OSTN: variants seen among roughly 807,000 people sequenced by gnomAD.
The protein encoded by OSTN is osteocrin.
OSTN carries 9 observed loss-of-function variants against 12.0 expected under a neutral mutation model. The observed-to-expected ratio is 0.75, with a 90% CI of 0.45 to 1.30. The LOEUF (loss-of-function observed/expected upper bound fraction) is 1.30, where lower values mean the gene tolerates loss of function less well. Ranked by LOEUF, OSTN falls within the 50% of genes most tolerant of loss-of-function variation. The probability of loss-of-function intolerance (pLI) is 0.00; values close to 1 mark genes in which losing one functional copy is unlikely to be tolerated. For missense variants in OSTN, 148 were observed against 152.3 expected (o/e 0.97, Z 0.15); for synonymous variants, 59 against 56.9 (o/e 1.04, Z -0.16).
At chr3:191,259,200 G>T (rs1576941709) in intron 4 of OSTN, among the ~76,000 whole-genome samples, 2 of 147,346 alleles carry the variant, frequency 1.4e-5, no homozygotes, top group East Asian at 2.0e-4. Flanking sequence ...AAAACAATCT[G>T]TTTTTTTTTT....
chr3:191,240,919 CACAATAGTCT>C (rs1198167523), intron 3 of OSTN, among the ~76,000 whole-genome samples: 3 of 152,206 alleles, frequency 2.0e-5, no homozygotes, highest in African/African-American at 7.2e-5. Flanking sequence ...GTGTCATTTC[CACAATAGTCT>C]ATTGATTAGA....
chr3:191,212,586 A>C lies in OSTN; in HGVS notation c.54A>C (p.Thr18=), dbSNP rs566962060. ...SAHFILAVTL[T]LWSSGKVLSV... is the part of the protein sequence containing the mutation. ...ATTTCATCCTGGCTGTGACACTGAC[A>C]CTGTGGAGCTCAGGAAAAGTCCTCT... The change falls in exon 2 of 5, where the codon ACA becomes ACC. Residue 18 remains threonine, a synonymous_variant. Coordinates refer to ENST00000682035, the MANE Select transcript of OSTN (RefSeq NM_198184.2). The C allele has an allele frequency of 6.3e-6, 10 of 1,594,984 alleles. No individual in the cohort carries two copies. In the East Asian group the frequency reaches 2.0e-4, roughly 32 times the overall value.
At chr3:191,235,739 T>C (rs894742582) in intron 3 of OSTN, among the ~76,000 whole-genome samples, 3 of 152,184 alleles carry the variant, frequency 2.0e-5, no homozygotes, top group African/African-American at 7.2e-5. Context: ...CAGAAAGCCC[T>C]TGGGGCAAGG....
chr3:191,244,994 C>A (rs1395574325), intron 3 of OSTN, among the ~76,000 whole-genome samples: 6 of 152,072 alleles, frequency 3.9e-5, no homozygotes, highest in Non-Finnish European at 7.4e-5. Context: ...TATGGTGTTT[C>A]TGGAAGGTCT....
intron 2 of OSTN, among the ~76,000 whole-genome samples, chr3:191,216,865 C>T (rs1449091659): frequency 1.3e-5 from 2 of 152,200 alleles, no homozygotes; most frequent in Admixed American, 6.6e-5. Flanking sequence ...TTCCCACGTC[C>T]TCCTGTCTTC....
At chr3:191,213,326 T>C (rs1308605870) in intron 2 of OSTN, 1 of 152,204 alleles carries the variant, frequency 6.6e-6, no homozygotes, top group Non-Finnish European at 1.5e-5. Flanking sequence ...CAACATGCCA[T>C]TCAAGGTTGT....
chr3:191,246,713 AGAG>A (rs1715441443), intron 3 of OSTN, among the ~76,000 whole-genome samples: 2 of 150,904 alleles, frequency 1.3e-5, no homozygotes, highest in Admixed American at 6.7e-5. Context: ...AGGAAGAAGA[AGAG>A]GAAGAAGAAG....
chr3:191,243,319 C>T (rs1424879059), intron 3 of OSTN, among the ~76,000 whole-genome samples: 1 of 152,142 alleles, frequency 6.6e-6, no homozygotes, highest in Non-Finnish European at 1.5e-5. Flanking sequence ...GGAATCCTTA[C>T]TTGAACACCA....
intron 3 of OSTN, among the ~76,000 whole-genome samples, chr3:191,246,604 CAAA>C (rs34157872): frequency 9.4e-6 from 1 of 106,892 alleles, no homozygotes. Context: ...GACCCTGTAT[CAAA>C]AAAAAAAAAA....
chr3:191,229,851 G>C (rs992801743), intron 3 of OSTN: 1 of 152,090 alleles, frequency 6.6e-6, no homozygotes, highest in Non-Finnish European at 1.5e-5. Flanking sequence ...GATCGCTTGA[G>C]GTCAGGAGTT....
chr3:191,200,677 G>C (rs1714133411), intron 1 of OSTN, among the ~76,000 whole-genome samples: 1 of 152,056 alleles, frequency 6.6e-6, no homozygotes, highest in Admixed American at 6.6e-5. Flanking sequence ...AAGTGCTAGG[G>C]ATACTGAGTA....
intron 4 of OSTN, among the ~76,000 whole-genome samples, chr3:191,251,759 A>G (rs1467185129): frequency 1.3e-5 from 2 of 152,222 alleles, no homozygotes; most frequent in Non-Finnish European, 2.9e-5. Flanking sequence ...AAACAGGTTG[A>G]ACATTATTTC....
At chr3:191,228,485 C>T (rs1444851595) in intron 3 of OSTN, among the ~76,000 whole-genome samples, 1 of 152,172 alleles carries the variant, frequency 6.6e-6, no homozygotes, top group Non-Finnish European at 1.5e-5. Flanking sequence ...TCAGATATTA[C>T]TAAAATCCTG....
At chr3:191,212,049 G>A (rs1483518311) in intron 1 of OSTN, among the ~76,000 whole-genome samples, 1 of 151,962 alleles carries the variant, frequency 6.6e-6, no homozygotes, top group Non-Finnish European at 1.5e-5. Context: ...CATGACACAA[G>A]GACATAAAGA....
At chr3:191,247,533 C>A (rs1180938119) in intron 3 of OSTN, among the ~76,000 whole-genome samples, 2 of 151,826 alleles carry the variant, frequency 1.3e-5, no homozygotes, top group African/African-American at 4.8e-5. Flanking sequence ...ATAATAAGAG[C>A]CAACCTAGAA....
At chr3:191,216,948 TC>T (rs1714627761) in intron 2 of OSTN, 1 of 152,470 alleles carries the variant, frequency 6.6e-6, no homozygotes, top group Non-Finnish European at 1.5e-5. Context: ...TTTTTGGGTA[TC>T]TTTATAGCAA....
At chr3:191,236,515 G>T (rs879587600) in intron 3 of OSTN, among the ~76,000 whole-genome samples, 1 of 151,442 alleles carries the variant, frequency 6.6e-6, no homozygotes, top group Non-Finnish European at 1.5e-5. Flanking sequence ...TCCATTTTAG[G>T]TATAATGCTT....
chr3:191,263,854 C>T lies in OSTN; in HGVS notation c.*1001C>T, dbSNP rs780687049. On this transcript the variant is annotated 3_prime_UTR_variant, in exon 5 of 5. Transcript: ENST00000682035. Reference sequence around the variant, plus strand: ...AATGACTTATTAAAACATAAGTTTTCGTATTGTAGAAAACTCAGTTCTCAG... The same window carrying T: ...AATGACTTATTAAAACATAAGTTTTTGTATTGTAGAAAACTCAGTTCTCAG... 1.1e-4 allele frequency: 16 copies of T among 151,994 alleles called. No homozygotes were observed. The highest frequency in any genetic ancestry group is 2.4e-4 in the African/African-American group (10 of 41,400). 9.4% of individuals were successfully genotyped at this position (151,994 alleles called of 1,614,324 possible). A position where few individuals can be genotyped will look rare whatever the true frequency, so the allele number is the denominator to read the frequency against.
intron 3 of OSTN, among the ~76,000 whole-genome samples, chr3:191,224,968 A>G (rs577342578): frequency 2.0e-4 from 30 of 152,104 alleles, no homozygotes; most frequent in Non-Finnish European, 4.0e-4. Context: ...AAAAAGCATA[A>G]GGTAAAAATT....
Sources: gnomAD v4.1 joint callset for allele counts (sites outside exome capture counted in the v4.1 genomes callset) on GRCh38, gnomAD v4.1.1 for gene constraint, MANE v1.5 for transcripts, NCBI Gene and HGNC (gene_info 2026-07-23, HGNC 2026-07-21) for gene names.